Variants in SPTBN1 observed in about 807,000 individuals in gnomAD.
The protein encoded by SPTBN1 is spectrin beta, non-erythrocytic 1.
Under a neutral mutation model 266.4 loss-of-function variants are expected in SPTBN1, and 32 were observed. The ratio of observed to expected loss-of-function variants is 0.12; its 90% CI spans 0.09 to 0.16. The LOEUF is 0.16. Among genes scored for constraint, SPTBN1 ranks in the 10% least tolerant of loss-of-function variants. The pLI is 1.00. For synonymous variants in SPTBN1, 1,336 were observed against 1,162.2 expected (o/e 1.15, Z -3.04); for missense variants, 2,296 against 3,067.1 (o/e 0.75, Z 5.94).
At chr2:54,484,144 C>T (rs1645383690) in intron 1 of SPTBN1, among the ~76,000 whole-genome samples, 1 of 152,184 alleles carries the variant, frequency 6.6e-6, no homozygotes, top group African/African-American at 2.4e-5. Context: ...TGTGATTGCA[C>T]CACTGCACTC....
At chr2:54,519,089 G>A (rs1473502344) in intron 1 of SPTBN1, among the ~76,000 whole-genome samples, 1 of 152,140 alleles carries the variant, frequency 6.6e-6, no homozygotes, top group African/African-American at 2.4e-5. Flanking sequence ...TGTTTCAGGC[G>A]TTGTGACTGA....
intron 2 of SPTBN1, chr2:54,529,685 A>G (rs759907351): frequency 1.4e-6 from 1 of 719,646 alleles, no homozygotes; most frequent in Non-Finnish European, 2.6e-6. Flanking sequence ...ACAGGCTGTG[A>G]AGAAGCTCTG....
intron 4 of SPTBN1, among the ~76,000 whole-genome samples, chr2:54,614,456 G>A (rs1458657889): frequency 5.3e-5 from 8 of 152,142 alleles, no homozygotes; most frequent in Non-Finnish European, 1.0e-4. Context: ...GTGCATAGAA[G>A]TGTCCATTAA....
chr2:54,577,605 T>C (rs959648662), intron 2 of SPTBN1, among the ~76,000 whole-genome samples: 3 of 152,238 alleles, frequency 2.0e-5, no homozygotes, highest in African/African-American at 4.8e-5. Flanking sequence ...CTAAGTACTT[T>C]GCAGTATTGA....
intron 1 of SPTBN1, among the ~76,000 whole-genome samples, chr2:54,482,187 C>T (rs554417181): frequency 6.6e-6 from 1 of 152,070 alleles, no homozygotes; most frequent in South Asian, 2.1e-4. Flanking sequence ...TCAATCTTGG[C>T]AGCGCATTGG....
In SPTBN1 at chr2:54,643,362, A is replaced by G. The variant is rs369638255; in HGVS notation, c.4005+233A>G. On this transcript the variant is annotated intron_variant, in intron 19 of 35. Transcript: ENST00000356805. ...AAAATGCTTGATTTATCGTAGAACGAATACTAGGCATTTAGTTTCTGTTGT... is the reference window on the plus strand; with the variant it reads ...AAAATGCTTGATTTATCGTAGAACGGATACTAGGCATTTAGTTTCTGTTGT... Among the ~76,000 whole-genome samples the G allele has an allele frequency of 4.2e-3, 642 of 152,328 alleles. 4 individuals are homozygous for G. The highest frequency in any genetic ancestry group is 6.9e-3 in the Non-Finnish European group (468 of 68,020).
intron 3 of SPTBN1, among the ~76,000 whole-genome samples, chr2:54,599,464 G>A (rs1022447566): frequency 1.3e-5 from 2 of 152,198 alleles, no homozygotes; most frequent in Non-Finnish European, 2.9e-5. Flanking sequence ...CTGGTAATTT[G>A]CAAGGTTGCC....
chr2:54,605,915 G>A (rs1370070585), intron 3 of SPTBN1, among the ~76,000 whole-genome samples: 1 of 152,230 alleles, frequency 6.6e-6, no homozygotes, highest in Non-Finnish European at 1.5e-5. Flanking sequence ...GTCGCCATCA[G>A]CATGGGGTCC....
chr2:54,655,184 G>T lies in SPTBN1; in HGVS notation c.5937G>T (p.Ala1979=). 6.2e-7 allele frequency: 1 copy of T among 1,614,118 alleles called. No individual in the cohort carries two copies. Among genetic ancestry groups the T allele is most frequent in the South Asian group, 1.1e-5 (1 of 91,064 alleles). The change falls in exon 28 of 36, where the codon GCG becomes GCT. Residue 1979 remains alanine (A), a synonymous_variant. Coordinates refer to ENST00000356805, the MANE Select transcript of SPTBN1 (RefSeq NM_003128.3). The part of the protein sequence containing the change: ...TCIELGKSLL[A]RKHYASEEIK... ...TTGAACTTGGGAAATCCCTGTTGGC[G>T]AGAAAACACTATGCATCTGAGGAGG...
In SPTBN1 at chr2:54,594,833, C is replaced by CTTTTTTTTTTTTTTTTTTT. The variant is rs71408777; in HGVS notation, c.149-4241_149-4240insTTTTTTTTTTTTTTTTTTT. Among the ~76,000 whole-genome samples the CTTTTTTTTTTTTTTTTTTT allele has an allele frequency of 1.2e-4, 13 of 104,676 alleles. 1 individual carries two copies. Among genetic ancestry groups the CTTTTTTTTTTTTTTTTTTT allele is most frequent in the Middle Eastern group, 6.5e-3 (1 of 154 alleles). The allele number at this position is 104,676 out of a possible 152,430, so 68.7% of individuals were successfully genotyped here. On this transcript the variant is annotated intron_variant, in intron 2 of 35. Transcript: ENST00000356805. ...GATTCCATGACCCTCTGGTAAGTTT[C>CTTTTTTTTTTTTTTTTTTT]TTTTTTTTTTTTTTTTTTGAGACAG...
intron 1 of SPTBN1, among the ~76,000 whole-genome samples, chr2:54,498,925 G>T (rs1044535829): frequency 3.2e-4 from 49 of 151,866 alleles, no homozygotes; most frequent in African/African-American, 1.0e-3. Flanking sequence ...TTTATAATAC[G>T]AAGGGACTTT....
chr2:54,558,644 C>G lies in SPTBN1; in HGVS notation c.148+32078C>G. ...GCCAACTTCCCATCAGATCACCCTG[C>G]TGGACTTGCAGACCGGAATGGGGCT... On this transcript the variant is annotated intron_variant, in intron 2 of 35. Coordinates refer to ENST00000356805, the MANE Select transcript of SPTBN1 (RefSeq NM_003128.3). This position sits in a 1 kb window ranked among gnomAD's most constrained non-coding sequence, Gnocchi z 4.6. 6.7e-7 allele frequency: 1 copy of G among 1,489,146 alleles called. No homozygotes were observed. Among genetic ancestry groups the G allele is most frequent in the Non-Finnish European group, 8.9e-7 (1 of 1,118,718 alleles). 92.2% of individuals were successfully genotyped at this position (1,489,146 alleles called of 1,614,324 possible).
At position 54,540,443 on chromosome 2, in the gene SPTBN1, A is replaced by C. The variant is rs995913549; in HGVS notation, c.148+13877A>C. ...GTGACTCACACGTCCTTTACTGTGG[A>C]TTTGGCCCCTGCCTTCTTTTGTGCT... is the stretch of plus-strand genomic sequence containing the variant. On this transcript the variant is annotated intron_variant, in intron 2 of 35. Transcript: ENST00000356805. The surrounding 1 kb of genome is among the most constrained non-coding windows in gnomAD (Gnocchi z 5.6). Among the ~76,000 whole-genome samples, 1 of 152,196 alleles carries C rather than the reference A, an allele frequency of 6.6e-6. No individual in the cohort carries two copies. The highest frequency in any genetic ancestry group is 1.5e-5 in the Non-Finnish European group (1 of 68,040).
chr2:54,503,525 A>G lies in SPTBN1; in HGVS notation c.-47-22847A>G, dbSNP rs541930736. On this transcript the variant is annotated intron_variant, in intron 1 of 35. Coordinates refer to ENST00000356805, the MANE Select transcript of SPTBN1 (RefSeq NM_003128.3). ...AATCTGAGGGCCTTAGCAGAATTTGAAAGTGTCCAAGGGTTAGAAATGAGA... is the reference window on the plus strand; with the variant it reads ...AATCTGAGGGCCTTAGCAGAATTTGGAAGTGTCCAAGGGTTAGAAATGAGA... 6.6e-5 allele frequency among the ~76,000 whole-genome samples: 10 copies of G among 152,334 alleles called. No individual in the cohort carries two copies. In the South Asian group the frequency reaches 1.9e-3, roughly 28 times the overall value.
At chr2:54,496,546 ATTT>A (rs1668982112) in intron 1 of SPTBN1, among the ~76,000 whole-genome samples, 1 of 151,568 alleles carries the variant, frequency 6.6e-6, no homozygotes, top group Admixed American at 6.6e-5. Flanking sequence ...GTATTAACTT[ATTT>A]AGTCATCAAA....
At chr2:54,493,867 G>C (rs956467800) in intron 1 of SPTBN1, among the ~76,000 whole-genome samples, 5 of 152,196 alleles carry the variant, frequency 3.3e-5, no homozygotes, top group African/African-American at 1.2e-4. Flanking sequence ...ATTCAAATGT[G>C]AGTGATGATA....
At chr2:54,562,533 C>CTTTTTTCTTTTTTT (rs1553447706) in intron 2 of SPTBN1, among the ~76,000 whole-genome samples, 2 of 126,828 alleles carry the variant, frequency 1.6e-5, no homozygotes, top group Non-Finnish European at 3.2e-5. Flanking sequence ...TTTTCTTTTT[C>CTTTTTTCTTTTTTT]TTTTTTTTTT....
intron 2 of SPTBN1, among the ~76,000 whole-genome samples, chr2:54,551,692 G>A (rs1325753758): frequency 6.6e-6 from 1 of 152,062 alleles, no homozygotes; most frequent in Admixed American, 6.6e-5. Context: ...TTTCAGATTC[G>A]GCTGTATACT....
chr2:54,562,358 A>G (rs1353453644), intron 2 of SPTBN1, among the ~76,000 whole-genome samples: 1 of 152,064 alleles, frequency 6.6e-6, no homozygotes, highest in Non-Finnish European at 1.5e-5. Context: ...ATTCTCCGTA[A>G]AATGGCCCCA....
Sources: gnomAD v4.1 joint callset for allele counts (sites outside exome capture counted in the v4.1 genomes callset) on GRCh38, gnomAD v4.1.1 for gene constraint, Gnocchi (gnomAD v3.1) non-coding constraint, MANE v1.5 for transcripts, NCBI Gene and HGNC (gene_info 2026-07-23, HGNC 2026-07-21) for gene names.